The following PKD1 variants were observed in gnomAD, a reference collection of about 807,000 sequenced individuals.
PKD1 encodes the protein polycystin-1.
PKD1 carries 81 observed loss-of-function variants against 361.7 expected under a neutral mutation model. That is an observed-to-expected ratio of 0.22 (90% CI 0.19 to 0.27). PKD1 has a LOEUF of 0.27. Ranked by LOEUF, PKD1 falls within the 10% of genes least tolerant of loss-of-function variation. The pLI, the probability that PKD1 is intolerant of heterozygous loss-of-function variation, is 1.00. For synonymous variants in PKD1, 3,615 were observed against 2,818.3 expected (o/e 1.28, Z -8.95); for missense variants, 6,399 against 6,118.3 (o/e 1.05, Z -1.53).
chr16:2,098,738 AAG>A (rs1844672635), intron 30 of PKD1: 1 of 145,284 alleles, frequency 6.9e-6, no homozygotes. Flanking sequence ...TATTCTTGGA[AAG>A]AGTCTGTGAA....
In PKD1 at chr16:2,089,701, C is replaced by T. The variant is rs1374846916; in HGVS notation, c.*26G>A. ...CTGAGCGGTGTCCACTCCGACTCCA[C>T]GGCCCACCCCCGCCAGGAAGGAGGA... On this transcript the variant is annotated 3_prime_UTR_variant, in exon 46 of 46. Coordinates refer to ENST00000262304, the MANE Select transcript of PKD1 (RefSeq NM_001009944.3). 5.8e-6 allele frequency: 9 copies of T among 1,557,698 alleles called. No homozygotes were observed. The highest frequency in any genetic ancestry group is 2.7e-5 in the African/African-American group (2 of 73,854).
Position 2,106,019 on chromosome 16 carries a change from A to G in PKD1, c.7709T>C (p.Leu2570Ser), listed in dbSNP as rs943822402. The change falls in exon 20 of 46, where the codon TTG (leucine) becomes TCG (serine). Residue 2570 changes from leucine (L) to serine (S), a missense_variant. By Grantham distance (145) the Leu-to-Ser change is moderately radical. Coordinates refer to ENST00000262304, the MANE Select transcript of PKD1 (RefSeq NM_001009944.3). The surrounding 1 kb of genome is among the most constrained non-coding windows in gnomAD (Gnocchi z 6.5). ...GAAVVALNRS[L>S]AITLPEPNGS... ...GTTGGGCTCTGGGAGGGTGATGGCCAAAGACCTACGAGCAGAGGGGGGTGG... is the reference window on the plus strand; with the variant it reads ...GTTGGGCTCTGGGAGGGTGATGGCCGAAGACCTACGAGCAGAGGGGGGTGG... 1.2e-5 allele frequency: 19 copies of G among 1,605,800 alleles called. No individual in the cohort carries two copies. The highest frequency in any genetic ancestry group is 1.7e-5 in the Admixed American group (1 of 59,906).
In PKD1 at chr16:2,099,922, T is replaced by C. The variant is rs146756469; in HGVS notation, c.9862A>G (p.Ile3288Val). 15 of 1,564,106 alleles carry C rather than the reference T, an allele frequency of 9.6e-6. No individual in the cohort carries two copies. The African/African-American group carries it at 1.9e-4, about 20-fold the overall frequency. ...IQRATCCVLL[I>V]CLFLGANAVW... ...GCGTTGGCGCCCAGGAAGAGGCAGA[T>C]GAGGAGAACGCAGCAGGTGGCCCTC... is the stretch of plus-strand genomic sequence containing the variant. Residue 3288 changes from isoleucine to valine, a missense_variant, in exon 29 of 46, where the codon ATC (isoleucine) becomes GTC (valine). Physicochemically the swap from Ile to Val is conservative, Grantham distance 29. Coordinates refer to ENST00000262304, the MANE Select transcript of PKD1 (RefSeq NM_001009944.3).
chr16:2,116,069 G>A lies in PKD1; in HGVS notation c.1772C>T (p.Thr591Met), dbSNP rs1009935623. 45 of 1,529,340 alleles carry A rather than the reference G, an allele frequency of 2.9e-5. No individual in the cohort carries two copies. Among genetic ancestry groups the A allele is most frequent in the Admixed American group, 5.8e-5 (3 of 51,566 alleles). 94.7% of individuals were successfully genotyped at this position (1,529,340 alleles called of 1,614,324 possible). A position where few individuals can be genotyped will look rare whatever the true frequency, so the allele number is the denominator to read the frequency against. The change falls in exon 9 of 46, where the codon ACG becomes ATG. Residue 591 changes from threonine (T) to methionine (M), a missense_variant. Physicochemically the swap from Thr to Met is moderately conservative, Grantham distance 81. Transcript: ENST00000262304. ...GAGCTCCTGGGTCCCAAATTCGGCCGTGGTGAGGAAGGCTTCACGGCTCAG... is the reference window on the plus strand; with the variant it reads ...GAGCTCCTGGGTCCCAAATTCGGCCATGGTGAGGAAGGCTTCACGGCTCAG... ...LRLSREAFLT[T>M]AEFGTQELRR...
Position 2,102,546 on chromosome 16 carries a change from C to A in PKD1, c.9036G>T (p.Thr3012=). 1.2e-6 allele frequency: 2 copies of A among 1,610,518 alleles called. No homozygotes were observed. The highest frequency in any genetic ancestry group is 8.5e-7 in the Non-Finnish European group (1 of 1,179,640). ...SALQVSVGLY[T]SLCQYFSEED... ...CCTCGCTGAAGTACTGGCACAGGGA[C>A]GTGTACAGGCCCACGGACACCTGCA... The change falls in exon 25 of 46, where the codon ACG becomes ACT. Residue 3012 remains threonine (T), a synonymous_variant. Transcript: ENST00000262304.
At chr16:2,091,319 G>C (rs1452931436) in intron 42 of PKD1, 104 bp downstream of exon 42, 2 of 349,784 alleles carry the variant, frequency 5.7e-6, no homozygotes, top group Non-Finnish European at 7.2e-6. Context: ...ACGCTGCGAG[G>C]GGGCGGGGCG....
chr16:2,114,928 G>A lies in PKD1; in HGVS notation c.2098-3C>T, dbSNP rs1295368570. ...ACATCCTGGCCGTGGAGGGTGACCT[G>A]TGGAGAGGGAGGCAGGGCTGCATCA... On this transcript the variant is annotated splice_polypyrimidine_tract_variant and splice_region_variant and intron_variant, in intron 10 of 45. Coordinates refer to ENST00000262304, the MANE Select transcript of PKD1 (RefSeq NM_001009944.3). The A allele has an allele frequency of 2.7e-5, 41 of 1,529,990 alleles. No individual in the cohort carries two copies. The highest frequency in any genetic ancestry group is 9.7e-5 in the East Asian group (4 of 41,240). The allele number at this position is 1,529,990 out of a possible 1,614,324, so 94.8% of individuals were successfully genotyped here. A position where few individuals can be genotyped will look rare whatever the true frequency, so the allele number is the denominator to read the frequency against.
chr16:2,094,099 G>T lies in PKD1; in HGVS notation c.10611C>A (p.Ser3537=), dbSNP rs1567159275. 1 of 1,591,154 alleles carries T rather than the reference G, an allele frequency of 6.3e-7. No homozygotes were observed. Among genetic ancestry groups the T allele is most frequent in the East Asian group, 2.3e-5 (1 of 43,952 alleles). ...NWEQPQAARL[S]RTGLVEGLRK... is the part of the protein sequence containing the mutation. The stretch of plus-strand genomic sequence containing the variant: ...GGGGCTACGCAAGCACACCTGTCCT[G>T]GACAGCCTCGCTGCCTGGGGCTGTT... The change falls in exon 35 of 46, where the codon TCC becomes TCA. Residue 3537 remains serine, a synonymous_variant. Coordinates refer to ENST00000262304, the MANE Select transcript of PKD1 (RefSeq NM_001009944.3).
Position 2,090,981 on chromosome 16 carries a change from C to A in PKD1, c.11906G>T (p.Gly3969Val), listed in dbSNP as rs752098759. 1.1e-5 allele frequency: 17 copies of A among 1,537,560 alleles called. No homozygotes were observed. The Admixed American group carries it at 2.7e-4, about 25-fold the overall frequency. ...ADRQWTRFVRGRPRRFTSFDQ... is the reference protein window; with the variant it reads ...ADRQWTRFVRVRPRRFTSFDQ... ...GAAGCTAGTGAAGCGGCGCGGGCGG[C>A]CGCGCACGAAACGGGTCCACTGGCG... The change falls in exon 43 of 46, where the codon GGC (glycine) becomes GTC (valine). Residue 3969 changes from glycine to valine, a missense_variant. Transcript: ENST00000262304.
At position 2,100,511 on chromosome 16, in the gene PKD1, G is replaced by C. The variant is rs759563878; in HGVS notation, c.9453C>G (p.His3151Gln). 1 of 1,610,706 alleles carries C rather than the reference G, an allele frequency of 6.2e-7. No individual in the cohort carries two copies. Among genetic ancestry groups the C allele is most frequent in the Non-Finnish European group, 8.5e-7 (1 of 1,179,678 alleles). ...MLYGVDSRSG[H>Q]RHLDGDRAFH... is the part of the protein sequence containing the mutation. ...AGGCTCTGTCGCCGTCCAGGTGCCG[G>C]TGGCCGCTCCGGCTGTCCACCCCAT... is the stretch of plus-strand genomic sequence containing the variant. Residue 3151 changes from histidine to glutamine, a missense_variant, in exon 27 of 46, where the codon CAC becomes CAG. Coordinates refer to ENST00000262304, the MANE Select transcript of PKD1 (RefSeq NM_001009944.3). This position sits in a 1 kb window ranked among gnomAD's most constrained non-coding sequence, Gnocchi z 4.4.
In PKD1 at chr16:2,089,420, G is replaced by T; in HGVS notation, c.*307C>A. The T allele has an allele frequency of 2.1e-6, 1 of 470,018 alleles. No homozygotes were observed. Among genetic ancestry groups the T allele is most frequent in the Admixed American group, 3.6e-5 (1 of 27,476 alleles). The allele number at this position is 470,018 out of a possible 1,614,324, so 29.1% of individuals were successfully genotyped here. ...TTAGCAGTGGGGGACATCTGCCCAG[G>T]GGGTGGGGCCGGGCACAGCCCGCTG... On this transcript the variant is annotated 3_prime_UTR_variant, in exon 46 of 46. Coordinates refer to ENST00000262304, the MANE Select transcript of PKD1 (RefSeq NM_001009944.3).
intron 1 of PKD1, among the ~76,000 whole-genome samples, chr16:2,123,119 C>T (rs932413897): frequency 1.9e-4 from 29 of 152,312 alleles, no homozygotes; most frequent in African/African-American, 6.7e-4. Context: ...GACACTTCTT[C>T]CACGCCAGCA....
In PKD1 at chr16:2,119,027, A is replaced by C. The variant is rs2092682283; in HGVS notation, c.359+87T>G. ...CCCCAGGATCTGGTCTCAAGCCTGGAAGGGGACACGGACCAACTGGGAGGG... is the reference window on the plus strand; with the variant it reads ...CCCCAGGATCTGGTCTCAAGCCTGGCAGGGGACACGGACCAACTGGGAGGG... On this transcript the variant is annotated intron_variant, in intron 3 of 45. Transcript: ENST00000262304. 5.3e-6 allele frequency: 5 copies of C among 934,650 alleles called. No homozygotes were observed. The South Asian group carries it at 6.9e-5, about 13-fold the overall frequency. 57.9% of individuals were successfully genotyped at this position (934,650 alleles called of 1,614,324 possible).
chr16:2,092,439 G>A (rs771477545), intron 39 of PKD1, 41 bp downstream of exon 39: 1 of 1,360,120 alleles, frequency 7.4e-7, no homozygotes, highest in African/African-American at 1.4e-5. Context: ...CTCTCAACAA[G>A]AGGAACGATT....
Position 2,090,524 on chromosome 16 carries a change from T to G in PKD1, c.12205A>C (p.Thr4069Pro), listed in dbSNP as rs765414452. ...GCAGGACACAGGGTAGAGAGCCCAG[T>G]CCCAGGGCACAGCACCAACAGGGCC... ...AQALLVLCPGTGLSTLCPAES... is the reference protein window; with the variant it reads ...AQALLVLCPGPGLSTLCPAES... The change falls in exon 45 of 46, where the codon ACT becomes CCT. Residue 4069 changes from threonine (T) to proline (P), a missense_variant. Transcript: ENST00000262304. 2 of 1,610,460 alleles carry G rather than the reference T, an allele frequency of 1.2e-6. No homozygotes were observed. Among genetic ancestry groups the G allele is most frequent in the Admixed American group, 1.7e-5 (1 of 59,842 alleles).
At chr16:2,113,920 G>A in intron 11 of PKD1, 8 of 578,202 alleles carry the variant, frequency 1.4e-5, no homozygotes, top group Non-Finnish European at 2.5e-5. Context: ...AGGGAGCAGA[G>A]TTTTAAATTC....
chr16:2,092,889 G>T, intron 38 of PKD1, 65 bp downstream of exon 38: 2 of 1,585,256 alleles, frequency 1.3e-6, no homozygotes, highest in East Asian at 2.2e-5. Context: ...TGTCCCCTAG[G>T]GTCTGGCTGG....
At chr16:2,101,810 C>T in intron 26 of PKD1, 1 of 599,406 alleles carries the variant, frequency 1.7e-6, no homozygotes, top group Admixed American at 2.8e-5. Flanking sequence ...ACTTGTGGGG[C>T]CACGCTACTG....
In PKD1 at chr16:2,108,906, G is replaced by T; in HGVS notation, c.6261C>A (p.Pro2087=). The change falls in exon 15 of 46, where the codon CCC becomes CCA. Residue 2087 remains proline (P), a synonymous_variant. Coordinates refer to ENST00000262304, the MANE Select transcript of PKD1 (RefSeq NM_001009944.3). ...AGTCCCAGTGGTAGGCCACACGCCGGGGGCTGGGGCTGGTGGCGGCCTCAA... is the reference window on the plus strand; with the variant it reads ...AGTCCCAGTGGTAGGCCACACGCCGTGGGCTGGGGCTGGTGGCGGCCTCAA... ...AQFEAATSPS[P]RRVAYHWDFG... 1 of 1,584,858 alleles carries T rather than the reference G, an allele frequency of 6.3e-7. No homozygotes were observed. Among genetic ancestry groups the T allele is most frequent in the Non-Finnish European group, 8.6e-7 (1 of 1,167,250 alleles).
Sources: allele counts gnomAD v4.1 joint callset (sites outside exome capture counted in the v4.1 genomes callset), GRCh38; gene constraint gnomAD v4.1.1; non-coding constraint Gnocchi (gnomAD v3.1); transcripts MANE v1.5; gene names NCBI Gene and HGNC (gene_info 2026-07-23, HGNC 2026-07-21).